GNAT3: variants seen among roughly 807,000 people sequenced by gnomAD.
The protein encoded by GNAT3 is guanine nucleotide-binding protein G(t) subunit alpha-3.
A neutral mutation model predicts 37.7 loss-of-function variants in GNAT3; 31 were observed. The observed-to-expected ratio is 0.82, with a 90% CI of 0.62 to 1.11. GNAT3 has a LOEUF of 1.11. GNAT3 is among the 50% of genes most tolerant of loss of function. GNAT3 has a pLI of 0.00. For synonymous variants in GNAT3, 138 were observed against 139.8 expected, an observed-to-expected ratio of 0.99 and a Z score of 0.09; for missense variants, 437 against 412.5, an observed-to-expected ratio of 1.06 and a Z score of -0.51.
chr7:80,501,834 ATATACT>A (rs1276219839), intron 1 of GNAT3, among the ~76,000 whole-genome samples: 1 of 152,000 alleles, frequency 6.6e-6, no homozygotes, highest in African/African-American at 2.4e-5. Flanking sequence ...ATGGTGTCAG[ATATACT>A]TATATGACTA....
chr7:80,497,843 G>A (rs1240675950), intron 1 of GNAT3, among the ~76,000 whole-genome samples: 1 of 151,780 alleles, frequency 6.6e-6, no homozygotes, highest in Non-Finnish European at 1.5e-5. Context: ...ATTTCTGAAT[G>A]TCAGTTAAAT....
At chr7:80,510,252 C>A (rs564566691) in intron 1 of GNAT3, among the ~76,000 whole-genome samples, 1 of 151,970 alleles carries the variant, frequency 6.6e-6, no homozygotes, top group Non-Finnish European at 1.5e-5. Flanking sequence ...TTGCTTTTGG[C>A]ATGTTTAATA....
At chr7:80,498,456 G>A (rs182512039) in intron 1 of GNAT3, among the ~76,000 whole-genome samples, 2 of 152,150 alleles carry the variant, frequency 1.3e-5, no homozygotes, top group South Asian at 2.1e-4. Flanking sequence ...TCTATGTAAA[G>A]GTCCAGTATA....
intron 7 of GNAT3, 78 bp downstream of exon 7, chr7:80,462,081 T>G (rs1353920875): frequency 2.2e-6 from 2 of 919,398 alleles, no homozygotes; most frequent in Non-Finnish European, 3.2e-6. Context: ...TCATAAGTAT[T>G]AAATGTCAAG....
At chr7:80,472,800 A>G (rs1790241304) in intron 5 of GNAT3, among the ~76,000 whole-genome samples, 1 of 152,174 alleles carries the variant, frequency 6.6e-6, no homozygotes, top group African/African-American at 2.4e-5. Context: ...TAATCTTTAC[A>G]ACAAACTCAT....
chr7:80,482,689 ATTTTTTT>A (rs71079119), intron 3 of GNAT3, among the ~76,000 whole-genome samples: 1 of 114,122 alleles, frequency 8.8e-6, no homozygotes, highest in Non-Finnish European at 1.8e-5. Flanking sequence ...AATTTTTGTA[ATTTTTTT>A]TTTTTTTTTT....
intron 5 of GNAT3, among the ~76,000 whole-genome samples, chr7:80,464,938 G>T (rs1216312022): frequency 6.6e-6 from 1 of 151,916 alleles, no homozygotes. Flanking sequence ...ATTTAAATTT[G>T]GTGTGTATAA....
At position 80,496,076 on chromosome 7, in the gene GNAT3, T is replaced by C. The variant is rs544200283; in HGVS notation, c.119-1429A>G. ...TGTCCCATTGGCCTATTTTTGTTTT[T>C]GTTACACTTGCTTTTGAAGTCTTAG... On this transcript the variant is annotated intron_variant, in intron 1 of 7. Transcript: ENST00000398291. Among the ~76,000 whole-genome samples, 6 of 152,338 alleles carry C rather than the reference T, an allele frequency of 3.9e-5. No homozygotes were observed. In the East Asian group the frequency reaches 1.2e-3, roughly 29 times the overall value.
chr7:80,493,021 T>A (rs1302935539), intron 2 of GNAT3, among the ~76,000 whole-genome samples: 2 of 151,970 alleles, frequency 1.3e-5, no homozygotes, highest in African/African-American at 2.4e-5. Flanking sequence ...CTTAGCAATC[T>A]ATGGGCCTTT....
intron 1 of GNAT3, 98 bp downstream of exon 1, chr7:80,511,711 A>G: frequency 1.5e-6 from 1 of 649,716 alleles, no homozygotes; most frequent in East Asian, 2.8e-5. Flanking sequence ...TAAATTTCCC[A>G]TATGATAATA....
At chr7:80,502,550 A>G (rs1021535356) in intron 1 of GNAT3, among the ~76,000 whole-genome samples, 7 of 152,098 alleles carry the variant, frequency 4.6e-5, no homozygotes. Flanking sequence ...GCCTTGGTTA[A>G]TCACATGGTT....
intron 3 of GNAT3, among the ~76,000 whole-genome samples, chr7:80,482,492 T>G (rs7809064): frequency 0.084 from 12,833 of 151,886 alleles, 1,358 homozygotes; most frequent in African/African-American, 0.25. Context: ...TTCTTTCTTT[T>G]TCTTTTTTGT....
chr7:80,507,677 G>A (rs1315877532), intron 1 of GNAT3, among the ~76,000 whole-genome samples: 6 of 151,928 alleles, frequency 3.9e-5, no homozygotes, highest in Non-Finnish European at 8.8e-5. Context: ...AATGCATTCT[G>A]TTCTAGTATT....
intron 4 of GNAT3, among the ~76,000 whole-genome samples, chr7:80,476,196 C>G (rs1225507977): frequency 2.0e-5 from 3 of 151,604 alleles, no homozygotes; most frequent in Non-Finnish European, 4.4e-5. Flanking sequence ...TGAATGATTT[C>G]AAGCAAAGCA....
chr7:80,464,490 T>C (rs1433125493), intron 5 of GNAT3, among the ~76,000 whole-genome samples: 2 of 152,146 alleles, frequency 1.3e-5, no homozygotes, highest in African/African-American at 4.8e-5. Context: ...TTGCAGACTA[T>C]AGAAGACTAT....
intron 1 of GNAT3, among the ~76,000 whole-genome samples, chr7:80,502,160 AC>A (rs912587574): frequency 5.3e-5 from 8 of 152,196 alleles, no homozygotes; most frequent in Admixed American, 2.0e-4. Context: ...ACAGGAAACA[AC>A]TTTTATAGGT....
chr7:80,509,402 G>A (rs1791013199), intron 1 of GNAT3, among the ~76,000 whole-genome samples: 1 of 152,024 alleles, frequency 6.6e-6, no homozygotes, highest in Admixed American at 6.6e-5. Flanking sequence ...TGACAAAGGA[G>A]TTTAGTGCAC....
chr7:80,492,823 A>G lies in GNAT3; in HGVS notation c.161+1782T>C, dbSNP rs1584188890. Among the ~76,000 whole-genome samples the G allele has an allele frequency of 3.3e-5, 5 of 151,672 alleles. No individual in the cohort carries two copies. The South Asian group carries it at 1.0e-3, about 32-fold the overall frequency. ...ATCCATTTCTCAAAATCTCATTATT[A>G]TTGGGTAATTTTTTAAAATTATTGT... On this transcript the variant is annotated intron_variant, in intron 2 of 7. Transcript: ENST00000398291.
rs534666032 is a variant in GNAT3 at position 80,458,854 on chromosome 7, A to G, written c.882T>C (p.Asn294=). The stretch of plus-strand genomic sequence containing the variant: ...TGTAGTTTCCTGCATCTTCAAATGT[A>G]TTTGGCCCTTGTTAAACAAAATATT... ...SICFPEYTGP[N]TFEDAGNYIK... The change falls in exon 8 of 8, where the codon AAT becomes AAC. Residue 294 remains asparagine, a synonymous_variant. Coordinates refer to ENST00000398291, the MANE Select transcript of GNAT3 (RefSeq NM_001102386.3). 3.2e-6 allele frequency: 5 copies of G among 1,571,402 alleles called. No homozygotes were observed. The highest frequency in any genetic ancestry group is 2.3e-5 in the East Asian group (1 of 44,138).
Sources: allele counts gnomAD v4.1 joint callset (sites outside exome capture counted in the v4.1 genomes callset), GRCh38; gene constraint gnomAD v4.1.1; transcripts MANE v1.5; gene names NCBI Gene and HGNC (gene_info 2026-07-23, HGNC 2026-07-21).